The following PDE1A variants were observed in gnomAD, a reference collection of about 807,000 sequenced individuals.
The protein encoded by PDE1A is phosphodiesterase 1A.
A neutral mutation model predicts 61.7 loss-of-function variants in PDE1A; 35 were observed. That is an observed-to-expected ratio of 0.57 (90% CI 0.43 to 0.75). The LOEUF (loss-of-function observed/expected upper bound fraction) is 0.75, where lower values mean the gene tolerates loss of function less well. Ranked by LOEUF, PDE1A falls within the 30% of genes least tolerant of loss-of-function variation. The pLI, the probability that PDE1A is intolerant of heterozygous loss-of-function variation, is 0.00. For synonymous variants in PDE1A, 232 were observed against 213.2 expected (o/e 1.09, Z -0.77); for missense variants, 597 against 630.6 (o/e 0.95, Z 0.57).
At chr2:182,280,215 C>G (rs1263037400) in intron 1 of PDE1A, among the ~76,000 whole-genome samples, 2 of 151,714 alleles carry the variant, frequency 1.3e-5, no homozygotes, top group Non-Finnish European at 2.9e-5. Context: ...TCCAAATTTT[C>G]CCCCTAAGCC....
intron 2 of PDE1A, among the ~76,000 whole-genome samples, chr2:182,255,652 T>C (rs1489176709): frequency 6.8e-6 from 1 of 146,918 alleles, no homozygotes; most frequent in Non-Finnish European, 1.5e-5. Context: ...TTTTCTTTCT[T>C]TCTTTTCTTT....
the PDE1A span, among the ~76,000 whole-genome samples, chr2:182,579,016 A>C: frequency 7.4e-3 from 1,122 of 152,320 alleles, 6 homozygotes; most frequent in Non-Finnish European, 0.012. Context: ...CCTAAAAGAC[A>C]CTTAGTTATC....
intron 7 of PDE1A, among the ~76,000 whole-genome samples, chr2:182,212,455 A>T (rs950041349): frequency 5.9e-5 from 9 of 152,186 alleles, no homozygotes; most frequent in Non-Finnish European, 1.3e-4. Flanking sequence ...TACAGCTCCC[A>T]GCGTGAGCGA....
intron 10 of PDE1A, among the ~76,000 whole-genome samples, chr2:182,200,552 C>G (rs1046920862): frequency 3.3e-5 from 5 of 152,214 alleles, no homozygotes; most frequent in Non-Finnish European, 2.9e-5. Context: ...AGCTCTGCAT[C>G]CAAGACCCTC....
At chr2:182,473,993 GGT>G (rs763997388) in intron 2 of PDE1A, among the ~76,000 whole-genome samples, 4 of 151,862 alleles carry the variant, frequency 2.6e-5, no homozygotes, top group Non-Finnish European at 4.4e-5. Flanking sequence ...TATTCCTTTG[GGT>G]ATATACCCAG....
the PDE1A span, among the ~76,000 whole-genome samples, chr2:182,670,321 C>T: frequency 1.3e-5 from 2 of 152,198 alleles, no homozygotes; most frequent in Non-Finnish European, 2.9e-5. Context: ...TCCTTAATTG[C>T]ACACTAAAGA....
chr2:182,589,044 AAATAATAATAAT>A, the PDE1A span, among the ~76,000 whole-genome samples: 8,025 of 138,128 alleles, frequency 0.058, 264 homozygotes, highest in Non-Finnish European at 0.073. Flanking sequence ...CTCTGTCTCA[AAATAATAATAAT>A]AATAATAATA....
intron 1 of PDE1A, among the ~76,000 whole-genome samples, chr2:182,381,542 G>A (rs759642739): frequency 1.7e-4 from 26 of 152,128 alleles, no homozygotes; most frequent in Non-Finnish European, 3.2e-4. Flanking sequence ...GGCCAGGCAC[G>A]GTGGCTCACG....
At chr2:182,644,918 G>T in the PDE1A span, among the ~76,000 whole-genome samples, 1 of 150,924 alleles carries the variant, frequency 6.6e-6, no homozygotes, top group Non-Finnish European at 1.5e-5. Context: ...TTTCAATTTT[G>T]AAAAGTATAG....
chr2:182,258,181 A>G (rs1182668949), intron 2 of PDE1A, among the ~76,000 whole-genome samples: 1 of 152,146 alleles, frequency 6.6e-6, no homozygotes, highest in Non-Finnish European at 1.5e-5. Context: ...AAAAAAAAGA[A>G]AAGAAAAAAA....
chr2:182,426,009 C>T (rs1348178809), intron 1 of PDE1A, among the ~76,000 whole-genome samples: 7 of 152,132 alleles, frequency 4.6e-5, no homozygotes, highest in Non-Finnish European at 1.0e-4. Flanking sequence ...TAGCTCAATC[C>T]ATTATACTGT....
At chr2:182,485,221 G>A (rs180715432) in intron 2 of PDE1A, among the ~76,000 whole-genome samples, 49 of 152,148 alleles carry the variant, frequency 3.2e-4, no homozygotes, top group Non-Finnish European at 4.7e-4. Flanking sequence ...GCAGGAACAC[G>A]GATGCAGCTG....
At chr2:182,348,601 T>C (rs1698666748) in intron 1 of PDE1A, among the ~76,000 whole-genome samples, 1 of 152,112 alleles carries the variant, frequency 6.6e-6, no homozygotes, top group Non-Finnish European at 1.5e-5. Flanking sequence ...CATCTATACA[T>C]GTATAGATTA....
At chr2:182,313,890 C>T (rs1696160252) in intron 1 of PDE1A, among the ~76,000 whole-genome samples, 1 of 152,100 alleles carries the variant, frequency 6.6e-6, no homozygotes, top group Admixed American at 6.6e-5. Context: ...ACTGGGAATA[C>T]CTAGTGCTGG....
the PDE1A span, among the ~76,000 whole-genome samples, chr2:182,618,243 G>C: frequency 6.6e-6 from 1 of 152,152 alleles, no homozygotes; most frequent in Non-Finnish European, 1.5e-5. Context: ...CCCTCAATTT[G>C]GGAGAATTAT....
chr2:182,651,253 C>T, the PDE1A span, among the ~76,000 whole-genome samples: 22 of 152,236 alleles, frequency 1.4e-4, 1 homozygote, highest in South Asian at 3.9e-3. Context: ...GTGGTCCACC[C>T]GCCTTGGCCT....
downstream of PDE1A, among the ~76,000 whole-genome samples, chr2:182,143,807 A>G (rs749225899): frequency 2.6e-5 from 4 of 152,148 alleles, no homozygotes; most frequent in Non-Finnish European, 5.9e-5. Context: ...GAGCCACCGC[A>G]CCCGTCCTGG....
At chr2:182,703,694 C>A in the PDE1A span, among the ~76,000 whole-genome samples, 1 of 152,270 alleles carries the variant, frequency 6.6e-6, no homozygotes, top group East Asian at 1.9e-4. Flanking sequence ...CTGAACAAAT[C>A]ATTTCACTTT....
At chr2:182,293,784 T>G (rs1166908343) in intron 1 of PDE1A, among the ~76,000 whole-genome samples, 3 of 152,188 alleles carry the variant, frequency 2.0e-5, no homozygotes, top group African/African-American at 7.2e-5. Context: ...TTAAAACACC[T>G]TATTGTACTG....
Sources: allele counts gnomAD v4.1 joint callset (sites outside exome capture counted in the v4.1 genomes callset), GRCh38; gene constraint gnomAD v4.1.1; transcripts MANE v1.5; gene names NCBI Gene and HGNC (gene_info 2026-07-23, HGNC 2026-07-21).